ALDH1L2: variants seen among roughly 807,000 people sequenced by gnomAD.
ALDH1L2 encodes mitochondrial 10-formyltetrahydrofolate dehydrogenase.
ALDH1L2 carries 91 observed loss-of-function variants against 111.0 expected under a neutral mutation model. The ratio of observed to expected loss-of-function variants is 0.82; its 90% CI spans 0.69 to 0.98. ALDH1L2 has a LOEUF of 0.98. Among genes scored for constraint, ALDH1L2 ranks in the 50% least tolerant of loss-of-function variants. The probability of loss-of-function intolerance (pLI) is 0.00; values close to 1 mark genes in which losing one functional copy is unlikely to be tolerated. For synonymous variants in ALDH1L2, 374 were observed against 392.6 expected (o/e 0.95, Z 0.56); for missense variants, 995 against 1,126.8 (o/e 0.88, Z 1.67).
chr12:105,070,898 T>C (rs945159821), intron 2 of ALDH1L2, 94 bp from the exon 3 acceptor site: 21 of 1,048,040 alleles, frequency 2.0e-5, no homozygotes, highest in South Asian at 1.8e-4. Flanking sequence ...TTTCATGAAA[T>C]ATTTACAAAT....
chr12:105,030,277 G>T, intron 21 of ALDH1L2, 47 bp downstream of exon 21: 1 of 1,492,110 alleles, frequency 6.7e-7, no homozygotes, highest in Non-Finnish European at 9.3e-7. Context: ...GGGGAAAAAT[G>T]ACTTATCTAG....
Position 105,052,235 on chromosome 12 carries a change from A to G in ALDH1L2, c.1408-18T>C, listed in dbSNP as rs1330020099. The G allele has an allele frequency of 1.3e-6, 2 of 1,582,632 alleles. No homozygotes were observed. Among genetic ancestry groups the G allele is most frequent in the Non-Finnish European group, 1.7e-6 (2 of 1,168,226 alleles). On this transcript the variant is annotated intron_variant, in intron 11 of 22. Transcript: ENST00000258494. ...CATATTGTCTATTTCAAGGTAAGTAAAAATAGGCCCCATGAGAGATATGAA... is the reference window on the plus strand; with the variant it reads ...CATATTGTCTATTTCAAGGTAAGTAGAAATAGGCCCCATGAGAGATATGAA...
intron 6 of ALDH1L2, among the ~76,000 whole-genome samples, chr12:105,063,698 T>C (rs1877158177): frequency 1.3e-5 from 2 of 152,116 alleles, no homozygotes; most frequent in Admixed American, 6.5e-5. Flanking sequence ...TGGGCGTCAA[T>C]GATGGGCAAT....
chr12:105,026,241 G>A (rs549253899), intron 22 of ALDH1L2, among the ~76,000 whole-genome samples: 1 of 152,262 alleles, frequency 6.6e-6, no homozygotes, highest in East Asian at 1.9e-4. Context: ...AGTTCATGCC[G>A]AATGTCAGAT....
At chr12:105,083,632 T>TCTCTC (rs563239070) in intron 1 of ALDH1L2, among the ~76,000 whole-genome samples, 12 of 150,886 alleles carry the variant, frequency 8.0e-5, no homozygotes. Flanking sequence ...TTTTTTTTTT[T>TCTCTC]TCTCTCTCTC....
intron 9 of ALDH1L2, 74 bp downstream of exon 9, chr12:105,060,907 A>C (rs1195902694): frequency 7.5e-7 from 1 of 1,341,806 alleles, no homozygotes; most frequent in African/African-American, 1.5e-5. Context: ...ATGTGTGTGG[A>C]TTTCACTGTC....
At chr12:105,062,645 C>T (rs7308195) in intron 7 of ALDH1L2, among the ~76,000 whole-genome samples, 59,701 of 152,022 alleles carry the variant, frequency 0.39, 12,958 homozygotes, top group Middle Eastern at 0.61. Flanking sequence ...CTGCCCAAGA[C>T]CAGCGAGTGG....
intron 1 of ALDH1L2, among the ~76,000 whole-genome samples, chr12:105,076,531 T>G (rs937933465): frequency 3.9e-5 from 6 of 152,216 alleles, no homozygotes; most frequent in African/African-American, 1.4e-4. Context: ...CAACTCTGTT[T>G]ATTATCCTAG....
intron 3 of ALDH1L2, 89 bp downstream of exon 3, chr12:105,070,481 G>T (rs778125784): frequency 1.8e-6 from 2 of 1,093,446 alleles, no homozygotes; most frequent in African/African-American, 1.6e-5. Flanking sequence ...GAGGCAGAAG[G>T]ATCATTTGAG....
chr12:105,043,706 C>G (rs903801258), intron 15 of ALDH1L2, among the ~76,000 whole-genome samples: 3 of 152,186 alleles, frequency 2.0e-5, no homozygotes, highest in Non-Finnish European at 4.4e-5. Context: ...TCATCTCCAT[C>G]ACAACTCTTT....
intron 1 of ALDH1L2, among the ~76,000 whole-genome samples, chr12:105,077,263 GTTTCTTT>G (rs1214317722): frequency 2.0e-5 from 3 of 150,756 alleles, no homozygotes; most frequent in Non-Finnish European, 4.4e-5. Context: ...ATCTAATCTT[GTTTCTTT>G]TTTCTTTTTT....
intron 21 of ALDH1L2, among the ~76,000 whole-genome samples, chr12:105,029,159 C>G (rs146210116): frequency 0.08 from 12,110 of 151,982 alleles, 549 homozygotes; most frequent in East Asian, 0.17. Context: ...TCCGAAGTAG[C>G]TGGGACTACA....
chr12:105,042,058 G>A (rs1315969823), intron 15 of ALDH1L2, among the ~76,000 whole-genome samples: 5 of 148,492 alleles, frequency 3.4e-5, no homozygotes, highest in Non-Finnish European at 1.5e-5. Flanking sequence ...GACAGAGCTG[G>A]GAAAGAGATG....
At chr12:105,043,289 G>A (rs1334186663) in intron 15 of ALDH1L2, among the ~76,000 whole-genome samples, 5 of 152,158 alleles carry the variant, frequency 3.3e-5, no homozygotes, top group Admixed American at 6.5e-5. Context: ...TTTTAATTAA[G>A]CTTGTCTTTG....
chr12:105,074,749 C>G (rs1021304249), intron 1 of ALDH1L2, among the ~76,000 whole-genome samples: 6 of 152,190 alleles, frequency 3.9e-5, no homozygotes, highest in Admixed American at 3.9e-4. Context: ...TTATTTCCCA[C>G]TTTATTAGAG....
chr12:105,046,221 A>ATTTT (rs869078154), intron 15 of ALDH1L2, among the ~76,000 whole-genome samples: 13 of 21,784 alleles, frequency 6.0e-4, no homozygotes, highest in Admixed American at 1.6e-3. Flanking sequence ...ATATATATAT[A>ATTTT]TTTTTTTTTT....
intron 9 of ALDH1L2, 29 bp downstream of exon 9, chr12:105,060,952 C>G: frequency 6.3e-7 from 1 of 1,594,842 alleles, no homozygotes. Context: ...GAGGGAATCC[C>G]TAGTGAGTCA....
Position 105,021,747 on chromosome 12 carries a change from TCG to T in ALDH1L2, c.*2675_*2676del, listed in dbSNP as rs1874174845. 1.3e-5 allele frequency: 2 copies of T among 152,180 alleles called. No individual in the cohort carries two copies. The highest frequency in any genetic ancestry group is 1.5e-5 in the Non-Finnish European group (1 of 68,026). The allele number at this position is 152,180 out of a possible 1,614,324, so 9.4% of individuals were successfully genotyped here. A position where few individuals can be genotyped will look rare whatever the true frequency, so the allele number is the denominator to read the frequency against. ...CCCTTAATAAATGGTAGCTGTCATATCGTATTATTATTGACAGAAGGCCCATA... is the reference window on the plus strand; with the variant it reads ...CCCTTAATAAATGGTAGCTGTCATATTATTATTATTGACAGAAGGCCCATA... On this transcript the variant is annotated 3_prime_UTR_variant, in exon 23 of 23. Coordinates refer to ENST00000258494, the MANE Select transcript of ALDH1L2 (RefSeq NM_001034173.4).
chr12:105,068,950 T>C, intron 3 of ALDH1L2, 66 bp from the exon 4 acceptor site: 2 of 1,295,738 alleles, frequency 1.5e-6, no homozygotes, highest in East Asian at 2.7e-5. Context: ...GAATTAGTGA[T>C]ATTAAAGTAT....
Sources: gnomAD v4.1 joint callset for allele counts (sites outside exome capture counted in the v4.1 genomes callset) on GRCh38, gnomAD v4.1.1 for gene constraint, MANE v1.5 for transcripts, NCBI Gene and HGNC (gene_info 2026-07-23, HGNC 2026-07-21) for gene names.